The following KCNQ1 variants were observed in gnomAD, a reference collection of about 807,000 sequenced individuals.
The protein encoded by KCNQ1 is potassium voltage-gated channel subfamily Q member 1.
KCNQ1 carries 49 observed loss-of-function variants against 72.4 expected under a neutral mutation model. That is an observed-to-expected ratio of 0.68 (90% CI 0.54 to 0.86). KCNQ1 has a LOEUF of 0.86. KCNQ1 is among the 40% of genes least tolerant of loss of function. KCNQ1 has a pLI of 0.00. For synonymous variants in KCNQ1, 450 were observed against 412.6 expected, an observed-to-expected ratio of 1.09 and a Z score of -1.10; for missense variants, 790 against 945.1, an observed-to-expected ratio of 0.84 and a Z score of 2.15.
chr11:2,701,544 T>TC (rs1850815529), intron 11 of KCNQ1, among the ~76,000 whole-genome samples: 1 of 152,230 alleles, frequency 6.6e-6, no homozygotes, highest in African/African-American at 2.4e-5. Flanking sequence ...CACCCCAGAC[T>TC]CAGGGTTTCA....
rs1335738799 is a variant in KCNQ1, at chr11:2,463,815, GC to G, written c.386+18336del. On this transcript the variant is annotated intron_variant, in intron 1 of 15. Transcript: ENST00000155840. The surrounding 1 kb of genome is among the most constrained non-coding windows in gnomAD (Gnocchi z 7.0). ...GTCAGCCCTGAAGCCGGATGGCCCG[GC>G]CCCCGCTACCACGTGGAGGCTCCCT... 1.3e-5 allele frequency among the ~76,000 whole-genome samples: 2 copies of G among 152,226 alleles called. No individual in the cohort carries two copies. The highest frequency in any genetic ancestry group is 2.9e-5 in the Non-Finnish European group (2 of 68,040).
chr11:2,801,150 T>TG (rs1847255092), intron 15 of KCNQ1, among the ~76,000 whole-genome samples: 1 of 151,788 alleles, frequency 6.6e-6, no homozygotes. Flanking sequence ...AGGTTTGGAG[T>TG]GGGTCCACTC....
rs1008366400 is a variant in KCNQ1, at chr11:2,723,186, T to A, written c.1515-45658T>A. 1.3e-5 allele frequency among the ~76,000 whole-genome samples: 2 copies of A among 152,224 alleles called. No homozygotes were observed. Among genetic ancestry groups the A allele is most frequent in the African/African-American group, 4.8e-5 (2 of 41,456 alleles). ...CCGTGGTGGCCTGAGAGGGGTGTGG[T>A]GCTGCTTGTCCGTGGTGCTCCACAC... On this transcript the variant is annotated intron_variant, in intron 11 of 15. Coordinates refer to ENST00000155840, the MANE Select transcript of KCNQ1 (RefSeq NM_000218.3). This position sits in a 1 kb window ranked among gnomAD's most constrained non-coding sequence, Gnocchi z 4.2.
At position 2,599,093 on chromosome 11, in the gene KCNQ1, A is replaced by C. The variant is rs2133774172; in HGVS notation, c.1393+10239A>C. Among the ~76,000 whole-genome samples the C allele has an allele frequency of 6.6e-6, 1 of 152,278 alleles. No homozygotes were observed. The highest frequency in any genetic ancestry group is 2.1e-4 in the South Asian group (1 of 4,822). ...TGGAATAGATGTGTTTCAGTACAGA[A>C]CTTTTTTCTTATGTTTGCTTGGGCT... On this transcript the variant is annotated intron_variant, in intron 10 of 15. Transcript: ENST00000155840. The surrounding 1 kb of genome is among the most constrained non-coding windows in gnomAD (Gnocchi z 4.7).
chr11:2,448,152 T>G (rs1162648963), intron 1 of KCNQ1, among the ~76,000 whole-genome samples: 1 of 152,198 alleles, frequency 6.6e-6, no homozygotes, highest in Non-Finnish European at 1.5e-5. Context: ...GCTGTGAGCC[T>G]TAGCCAGGGG....
rs934491679 is a variant in KCNQ1 at position 2,652,168 on chromosome 11, G to A, written c.1394-9793G>A. The stretch of plus-strand genomic sequence containing the variant: ...AAGCCCGCGCCCTCGGGGCCTGGGG[G>A]TGGGGCCCCAGCAGATGTCTGGATT... On this transcript the variant is annotated intron_variant, in intron 10 of 15. Coordinates refer to ENST00000155840, the MANE Select transcript of KCNQ1 (RefSeq NM_000218.3). The surrounding 1 kb of genome is among the most constrained non-coding windows in gnomAD (Gnocchi z 5.9). The A allele has an allele frequency of 5.0e-6, 2 of 398,544 alleles. No individual in the cohort carries two copies. Among genetic ancestry groups the A allele is most frequent in the Non-Finnish European group, 4.4e-6 (1 of 226,120 alleles). 24.7% of individuals were successfully genotyped at this position (398,544 alleles called of 1,614,324 possible).
chr11:2,726,587 G>A (rs933788570), intron 11 of KCNQ1, among the ~76,000 whole-genome samples: 2 of 152,206 alleles, frequency 1.3e-5, no homozygotes, highest in Non-Finnish European at 2.9e-5. Context: ...GACACTGGGT[G>A]GGACCCCGGT....
intron 2 of KCNQ1, among the ~76,000 whole-genome samples, chr11:2,532,688 G>A (rs1847661443): frequency 6.6e-6 from 1 of 152,158 alleles, no homozygotes; most frequent in African/African-American, 2.4e-5. Flanking sequence ...GTGCTGGCGG[G>A]GCAGGCAGGG....
Position 2,592,008 on chromosome 11 carries a change from C to A in KCNQ1, c.1393+3154C>A, listed in dbSNP as rs142561400. On this transcript the variant is annotated intron_variant, in intron 10 of 15. Coordinates refer to ENST00000155840, the MANE Select transcript of KCNQ1 (RefSeq NM_000218.3). This position sits in a 1 kb window ranked among gnomAD's most constrained non-coding sequence, Gnocchi z 5.2. ...GCCCCACAGCCCCACTCCCGCAAGGCGGGTACGAACAGCCACACTGAGTCC... is the reference window on the plus strand; with the variant it reads ...GCCCCACAGCCCCACTCCCGCAAGGAGGGTACGAACAGCCACACTGAGTCC... Among the ~76,000 whole-genome samples, 9 of 152,380 alleles carry A rather than the reference C, an allele frequency of 5.9e-5. No homozygotes were observed. Among genetic ancestry groups the A allele is most frequent in the Admixed American group, 4.6e-4 (7 of 15,312 alleles).
rs1039237840 is a variant in KCNQ1, at chr11:2,587,686, T to A, written c.1245T>A (p.Ser415=). Residue 415 remains serine, a synonymous_variant, in exon 9 of 16, where the codon TCT becomes TCA. Coordinates refer to ENST00000155840, the MANE Select transcript of KCNQ1 (RefSeq NM_000218.3). ...LLSPSPKPKK[S]VVVKKKKFKL... ...CACCCAGCCCCAAACCCAAGAAGTC[T>A]GTGGTGGTGAGTAGCCCACCTGCCA... is the stretch of plus-strand genomic sequence containing the variant. 4 of 1,613,508 alleles carry A rather than the reference T, an allele frequency of 2.5e-6. No homozygotes were observed. The highest frequency in any genetic ancestry group is 3.4e-6 in the Non-Finnish European group (4 of 1,179,966).
chr11:2,477,280 C>T lies in KCNQ1; in HGVS notation c.386+31796C>T, dbSNP rs763285475. On this transcript the variant is annotated intron_variant, in intron 1 of 15. Transcript: ENST00000155840. The surrounding 1 kb of genome is among the most constrained non-coding windows in gnomAD (Gnocchi z 5.0). ...CATTCACTGGACAGTGTTTTCATCC[C>T]GTATGTTTGAACAATTTTTAATGTG... Among the ~76,000 whole-genome samples, 1 of 152,152 alleles carries T rather than the reference C, an allele frequency of 6.6e-6. No homozygotes were observed. Among genetic ancestry groups the T allele is most frequent in the African/African-American group, 2.4e-5 (1 of 41,424 alleles).
intron 2 of KCNQ1, among the ~76,000 whole-genome samples, chr11:2,535,661 A>G (rs1847718168): frequency 6.6e-6 from 1 of 152,212 alleles, no homozygotes; most frequent in African/African-American, 2.4e-5. Context: ...CGCTGGCCGT[A>G]GAGCTTCCTG....
intron 15 of KCNQ1, among the ~76,000 whole-genome samples, chr11:2,845,650 T>C (rs1005299403): frequency 6.6e-6 from 1 of 152,156 alleles, no homozygotes; most frequent in Non-Finnish European, 1.5e-5. Flanking sequence ...TTCAGGACAG[T>C]TGGGTCTCAG....
At position 2,661,764 on chromosome 11, in the gene KCNQ1, T is replaced by C. The variant is rs1214613939; in HGVS notation, c.1394-197T>C. On this transcript the variant is annotated intron_variant, in intron 10 of 15. Coordinates refer to ENST00000155840, the MANE Select transcript of KCNQ1 (RefSeq NM_000218.3). This position sits in a 1 kb window ranked among gnomAD's most constrained non-coding sequence, Gnocchi z 5.9. ...ACTGGCCTTTATTCTCCTCAGACAC[T>C]GAGGTGTCAGGCACTTTGGGGCCAT... 1.5e-6 allele frequency: 1 copy of C among 650,536 alleles called. No individual in the cohort carries two copies. The highest frequency in any genetic ancestry group is 2.7e-5 in the East Asian group (1 of 36,816). The allele number at this position is 650,536 out of a possible 1,614,324, so 40.3% of individuals were successfully genotyped here.
rs1848270059 is a variant in KCNQ1, at chr11:2,567,938, A to G, written c.478-2690A>G. 6.6e-6 allele frequency among the ~76,000 whole-genome samples: 1 copy of G among 152,242 alleles called. No homozygotes were observed. On this transcript the variant is annotated intron_variant, in intron 2 of 15. Transcript: ENST00000155840. This position sits in a 1 kb window ranked among gnomAD's most constrained non-coding sequence, Gnocchi z 6.6. ...ACCTATCATTTCAGACCTGCCTAGG[A>G]CATGCCTGGAGAAGGTATTTAAGTA...
intron 11 of KCNQ1, among the ~76,000 whole-genome samples, chr11:2,739,803 C>T (rs1213953379): frequency 1.3e-5 from 2 of 152,210 alleles, no homozygotes; most frequent in African/African-American, 2.4e-5. Flanking sequence ...GTCCAGGGGA[C>T]AGAGAGAGGG....
intron 2 of KCNQ1, among the ~76,000 whole-genome samples, chr11:2,568,812 C>T (rs1036441786): frequency 2.0e-5 from 3 of 152,146 alleles, no homozygotes; most frequent in Non-Finnish European, 2.9e-5. Context: ...AGAGGTGGGA[C>T]CCACACCCCC....
intron 10 of KCNQ1, chr11:2,610,656 A>G: frequency 5.1e-6 from 2 of 389,522 alleles, no homozygotes; most frequent in Non-Finnish European, 8.9e-6. Context: ...TTATCTGGGA[A>G]TGCTTTTATT....
chr11:2,847,945 C>G lies in KCNQ1; in HGVS notation c.1973C>G (p.Thr658Ser). ...CCTGAGCTCTTCCTGCCCAGCAACA[C>G]CCTGCCCACCTACGAGCAGCTGACC... is the stretch of plus-strand genomic sequence containing the variant. ...VDPELFLPSNTLPTYEQLTVP... is the reference protein window; with the variant it reads ...VDPELFLPSNSLPTYEQLTVP... The change falls in exon 16 of 16, where the codon ACC becomes AGC. Residue 658 changes from threonine to serine, a missense_variant. Transcript: ENST00000155840. 2 of 1,572,226 alleles carry G rather than the reference C, an allele frequency of 1.3e-6. No individual in the cohort carries two copies. The highest frequency in any genetic ancestry group is 1.7e-6 in the Non-Finnish European group (2 of 1,158,086).
Sources: gnomAD v4.1 joint callset for allele counts (sites outside exome capture counted in the v4.1 genomes callset) on GRCh38, gnomAD v4.1.1 for gene constraint, Gnocchi (gnomAD v3.1) non-coding constraint, MANE v1.5 for transcripts, NCBI Gene and HGNC (gene_info 2026-07-23, HGNC 2026-07-21) for gene names.